RBFOX1: variants seen among roughly 807,000 people sequenced by gnomAD.
RBFOX1 encodes RNA binding protein fox-1 homolog 1.
In RBFOX1, 8 loss-of-function variants were observed where a neutral mutation model predicts 57.7. The ratio of observed to expected loss-of-function variants is 0.14; its 90% CI spans 0.08 to 0.25. RBFOX1 has a LOEUF of 0.25. RBFOX1 is among the 10% of genes least tolerant of loss of function. RBFOX1 has a pLI of 1.00. For missense variants in RBFOX1, 611 were observed against 548.5 expected (o/e 1.11, Z -1.14); for synonymous variants, 326 against 222.4 (o/e 1.47, Z -4.15).
At chr16:5,746,096 A>C (rs1301914659) in intron 3 of RBFOX1, among the ~76,000 whole-genome samples, 1 of 152,214 alleles carries the variant, frequency 6.6e-6, no homozygotes, top group Non-Finnish European at 1.5e-5. Flanking sequence ...TCTTGAATCC[A>C]TCTTGAATTA....
At chr16:6,414,666 G>A (rs2093570247) in intron 2 of RBFOX1, among the ~76,000 whole-genome samples, 1 of 152,188 alleles carries the variant, frequency 6.6e-6, no homozygotes, top group Non-Finnish European at 1.5e-5. Context: ...TGTGCCCATG[G>A]ATTGTAGACT....
intron 4 of RBFOX1, among the ~76,000 whole-genome samples, chr16:7,367,989 A>C (rs539811732): frequency 6.6e-6 from 1 of 152,156 alleles, no homozygotes; most frequent in African/African-American, 2.4e-5. Context: ...AGAGAGAGCC[A>C]GGCATGGTGT....
At chr16:6,132,999 T>A (rs2096640638) in intron 1 of RBFOX1, among the ~76,000 whole-genome samples, 1 of 150,426 alleles carries the variant, frequency 6.6e-6, no homozygotes, top group Non-Finnish European at 1.5e-5. Context: ...AAAAGACTAT[T>A]GCTTTTCAAA....
chr16:6,871,708 A>G (rs900974550), intron 3 of RBFOX1, among the ~76,000 whole-genome samples: 1 of 152,052 alleles, frequency 6.6e-6, no homozygotes, highest in Non-Finnish European at 1.5e-5. Context: ...TATTCTCCAT[A>G]TACCAGAAAG....
chr16:6,344,398 C>CTTTTTTTTTTTTTTTTTTTT (rs1176288797), intron 2 of RBFOX1, among the ~76,000 whole-genome samples: 4 of 71,960 alleles, frequency 5.6e-5, no homozygotes, highest in African/African-American at 4.2e-4. Flanking sequence ...CTTCTTTTTT[C>CTTTTTTTTTTTTTTTTTTTT]TTTTTTTTCT....
At chr16:5,441,198 A>C (rs75115167) in intron 1 of RBFOX1, among the ~76,000 whole-genome samples, 1 of 152,080 alleles carries the variant, frequency 6.6e-6, no homozygotes, top group Non-Finnish European at 1.5e-5. Context: ...CATATTTTTC[A>C]GGTTATTGTA....
intron 2 of RBFOX1, among the ~76,000 whole-genome samples, chr16:6,466,526 A>T (rs2095054055): frequency 6.6e-6 from 1 of 152,132 alleles, no homozygotes; most frequent in Admixed American, 6.5e-5. Flanking sequence ...TCAACCTTAG[A>T]TATGTATGAA....
At chr16:7,138,900 C>T (rs1436222463) in intron 4 of RBFOX1, among the ~76,000 whole-genome samples, 1 of 152,130 alleles carries the variant, frequency 6.6e-6, no homozygotes, top group Non-Finnish European at 1.5e-5. Context: ...GCTCCGCCTC[C>T]CGGGTTCAAG....
At chr16:5,480,544 C>T (rs533329270) in intron 2 of RBFOX1, among the ~76,000 whole-genome samples, 2 of 152,210 alleles carry the variant, frequency 1.3e-5, no homozygotes, top group East Asian at 1.9e-4. Context: ...GAAAGATGCA[C>T]AATGCCCTGT....
At chr16:5,349,546 A>G (rs1355676561) in intron 1 of RBFOX1, among the ~76,000 whole-genome samples, 1 of 152,028 alleles carries the variant, frequency 6.6e-6, no homozygotes, top group Non-Finnish European at 1.5e-5. Flanking sequence ...GGTGGCATGC[A>G]TCTGTAATCC....
chr16:6,759,039 C>G (rs1356605492), intron 3 of RBFOX1, among the ~76,000 whole-genome samples: 2 of 152,088 alleles, frequency 1.3e-5, no homozygotes, highest in Non-Finnish European at 2.9e-5. Flanking sequence ...TAGGTTACCT[C>G]TTTCTTGCAT....
At chr16:5,455,741 T>C (rs573774998) in intron 1 of RBFOX1, among the ~76,000 whole-genome samples, 1 of 152,134 alleles carries the variant, frequency 6.6e-6, no homozygotes, top group Non-Finnish European at 1.5e-5. Flanking sequence ...ATTCTCCTAA[T>C]AGAAAGATGG....
intron 3 of RBFOX1, among the ~76,000 whole-genome samples, chr16:6,878,905 G>A (rs2062362307): frequency 1.3e-5 from 2 of 152,190 alleles, no homozygotes; most frequent in Admixed American, 6.5e-5. Flanking sequence ...CCATCTTCAA[G>A]TTAAAGAAAA....
At chr16:6,711,452 C>A (rs571230194) in intron 3 of RBFOX1, among the ~76,000 whole-genome samples, 1 of 152,148 alleles carries the variant, frequency 6.6e-6, no homozygotes, top group South Asian at 2.1e-4. Context: ...GTAATCCCCA[C>A]GTGTCAAGGG....
intron 3 of RBFOX1, among the ~76,000 whole-genome samples, chr16:5,743,240 T>C (rs2052844904): frequency 6.6e-6 from 1 of 152,198 alleles, no homozygotes; most frequent in Non-Finnish European, 1.5e-5. Context: ...ACTACTCACA[T>C]CCCAGGGGTA....
chr16:6,581,256 A>G (rs540862762), intron 2 of RBFOX1, among the ~76,000 whole-genome samples: 1 of 152,124 alleles, frequency 6.6e-6, no homozygotes, highest in Non-Finnish European at 1.5e-5. Context: ...AAGTCTGGCC[A>G]CTTTAGAATT....
intron 2 of RBFOX1, among the ~76,000 whole-genome samples, chr16:6,399,296 C>A (rs2092970992): frequency 1.3e-5 from 2 of 152,206 alleles, no homozygotes; most frequent in South Asian, 4.1e-4. Flanking sequence ...GTCTAACATG[C>A]CCTGGAAACA....
At chr16:5,648,263 G>A (rs1033022664) in intron 3 of RBFOX1, among the ~76,000 whole-genome samples, 1 of 152,148 alleles carries the variant, frequency 6.6e-6, no homozygotes, top group South Asian at 2.1e-4. Flanking sequence ...TCAAGTTCTC[G>A]GAGCCTCAGT....
chr16:5,255,330 ATCCATCCATCCATCCATCCATCCC>A (rs2062559091), intron 1 of RBFOX1, among the ~76,000 whole-genome samples: 1 of 118,572 alleles, frequency 8.4e-6, no homozygotes, highest in African/African-American at 3.4e-5. Context: ...CCTTCCATCC[ATCCATCCATCCATCCATCCATCCC>A]TCCATCCATC....
Sources: allele counts gnomAD v4.1 joint callset (sites outside exome capture counted in the v4.1 genomes callset), GRCh38; gene constraint gnomAD v4.1.1; transcripts MANE v1.5; gene names NCBI Gene and HGNC (gene_info 2026-07-23, HGNC 2026-07-21).